Variants in PPP6R2 observed in about 807,000 individuals in gnomAD.
PPP6R2 encodes protein phosphatase 6 regulatory subunit 2.
In PPP6R2, 62 loss-of-function variants were observed where a neutral mutation model predicts 100.2. That is an observed-to-expected ratio of 0.62 (90% CI 0.50 to 0.76). PPP6R2 has a LOEUF of 0.76. Ranked by LOEUF, PPP6R2 falls within the 30% of genes least tolerant of loss-of-function variation. PPP6R2 has a pLI of 0.00. For missense variants in PPP6R2, 1,142 were observed against 1,276.3 expected (o/e 0.89, Z 1.60); for synonymous variants, 525 against 514.7 (o/e 1.02, Z -0.27).
chr22:50,334,172 C>T, the PPP6R2 span, among the ~76,000 whole-genome samples: 427 of 152,372 alleles, frequency 2.8e-3, 1 homozygote, highest in Non-Finnish European at 3.8e-3. Context: ...TGGCTGCGGG[C>T]GGGCCTGACT....
At chr22:50,378,967 G>A (rs1241811573) in intron 2 of PPP6R2, among the ~76,000 whole-genome samples, 1 of 151,966 alleles carries the variant, frequency 6.6e-6, no homozygotes, top group African/African-American at 2.4e-5. Context: ...GTGCCTTGTA[G>A]AAGGGCTTGA....
At chr22:50,331,594 T>G in the PPP6R2 span, among the ~76,000 whole-genome samples, 145 of 145,176 alleles carry the variant, frequency 1.0e-3, 1 homozygote, top group Non-Finnish European at 1.1e-3. Flanking sequence ...TAAAAAAATG[T>G]TTATGCAGCT....
chr22:50,442,267 G>C (rs752661767), intron 22 of PPP6R2, among the ~76,000 whole-genome samples: 4 of 152,198 alleles, frequency 2.6e-5, no homozygotes, highest in Non-Finnish European at 5.9e-5. Flanking sequence ...TGGTACTGGG[G>C]CTCCGGGCAT....
At chr22:50,426,253 C>CCTTT (rs1162690632) in intron 10 of PPP6R2, among the ~76,000 whole-genome samples, 4 of 152,162 alleles carry the variant, frequency 2.6e-5, no homozygotes, top group Admixed American at 6.5e-5. Flanking sequence ...AGCCACCCAG[C>CCTTT]CTTTACTCCT....
chr22:50,371,381 C>G (rs1268010414), intron 1 of PPP6R2, among the ~76,000 whole-genome samples: 1 of 151,886 alleles, frequency 6.6e-6, no homozygotes, highest in African/African-American at 2.4e-5. Context: ...GAGGTGTGAA[C>G]CAGCTGAGGT....
At chr22:50,403,124 G>A (rs1337038410) in intron 3 of PPP6R2, among the ~76,000 whole-genome samples, 3 of 152,084 alleles carry the variant, frequency 2.0e-5, no homozygotes, top group South Asian at 4.1e-4. Flanking sequence ...GAGACAGGAC[G>A]TGAACCCGGG....
chr22:50,355,251 T>G (rs963543112), intron 1 of PPP6R2, among the ~76,000 whole-genome samples: 1 of 151,254 alleles, frequency 6.6e-6, no homozygotes, highest in African/African-American at 2.4e-5. Flanking sequence ...TTTTTTTTCT[T>G]TTTTGAGACA....
chr22:50,390,059 T>C (rs1205624022), intron 2 of PPP6R2, among the ~76,000 whole-genome samples: 1 of 151,094 alleles, frequency 6.6e-6, no homozygotes, highest in African/African-American at 2.4e-5. Context: ...TGGTGTGATA[T>C]CGGCTTACTA....
chr22:50,440,737 C>T, intron 21 of PPP6R2, 85 bp from the exon 22 acceptor site: 2 of 1,469,686 alleles, frequency 1.4e-6, no homozygotes, highest in East Asian at 2.3e-5. Flanking sequence ...GAGAGGGCCA[C>T]ATGTATGGGG....
In PPP6R2 at chr22:50,432,341, T is replaced by A; in HGVS notation, c.1400+12T>A. On this transcript the variant is annotated intron_variant, in intron 12 of 23. Transcript: ENST00000612753. Reference sequence around the variant, plus strand: ...AACGACCACACGCAGTAAGAGCCGCTCGGACGTGGAGGGACCCAGCCTGGC... The same window carrying A: ...AACGACCACACGCAGTAAGAGCCGCACGGACGTGGAGGGACCCAGCCTGGC... The A allele has an allele frequency of 6.5e-7, 1 of 1,548,238 alleles. No homozygotes were observed. The highest frequency in any genetic ancestry group is 1.2e-5 in the South Asian group (1 of 83,962).
intron 2 of PPP6R2, among the ~76,000 whole-genome samples, chr22:50,388,180 A>G (rs1429502933): frequency 6.7e-6 from 1 of 150,188 alleles, no homozygotes; most frequent in East Asian, 1.9e-4. Context: ...TTTAGGATTA[A>G]AAAAAAAAAA....
chr22:50,339,374 CGT>C (rs956956938), upstream of PPP6R2, among the ~76,000 whole-genome samples: 1 of 31,496 alleles, frequency 3.2e-5, no homozygotes, highest in Admixed American at 3.9e-4. Flanking sequence ...GTGTGGCTTG[CGT>C]GTGGTATGTA....
upstream of PPP6R2, among the ~76,000 whole-genome samples, chr22:50,342,163 C>T (rs1264151722): frequency 6.6e-6 from 1 of 152,206 alleles, no homozygotes. Flanking sequence ...CTCAGCAGCA[C>T]CTCCCGCTCC....
chr22:50,338,456 TATGTA>T (rs2147821860), upstream of PPP6R2, among the ~76,000 whole-genome samples: 1 of 110,160 alleles, frequency 9.1e-6, no homozygotes, highest in South Asian at 3.6e-4. Context: ...TGGTGTGTGG[TATGTA>T]GTGTGTGTTA....
chr22:50,336,434 A>T, the PPP6R2 span, among the ~76,000 whole-genome samples: 70,163 of 151,784 alleles, frequency 0.46, 17,994 homozygotes, highest in African/African-American at 0.7. Flanking sequence ...TGGAGTGCGA[A>T]GGCGCGATCT....
At chr22:50,433,290 G>A (rs2063525867) in intron 12 of PPP6R2, among the ~76,000 whole-genome samples, 1 of 133,026 alleles carries the variant, frequency 7.5e-6, no homozygotes, top group African/African-American at 2.7e-5. Flanking sequence ...GAGGAGGGCC[G>A]GGGGCATGGA....
chr22:50,355,250 T>G (rs2046238975), intron 1 of PPP6R2, among the ~76,000 whole-genome samples: 1 of 149,674 alleles, frequency 6.7e-6, no homozygotes, highest in South Asian at 2.1e-4. Flanking sequence ...TTTTTTTTTC[T>G]TTTTTGAGAC....
chr22:50,390,343 G>T (rs898200611), intron 2 of PPP6R2, among the ~76,000 whole-genome samples: 13 of 152,112 alleles, frequency 8.5e-5, no homozygotes, highest in African/African-American at 2.4e-4. Context: ...ACAAGTAGAT[G>T]AAAGTCAAAG....
At chr22:50,424,424 G>A (rs1410360917) in intron 10 of PPP6R2, among the ~76,000 whole-genome samples, 2 of 135,422 alleles carry the variant, frequency 1.5e-5, no homozygotes, top group Admixed American at 7.5e-5. Flanking sequence ...GTCCGTCCGC[G>A]TGTGGAAGGT....
Sources: gnomAD v4.1 joint callset for allele counts (sites outside exome capture counted in the v4.1 genomes callset) on GRCh38, gnomAD v4.1.1 for gene constraint, MANE v1.5 for transcripts, NCBI Gene and HGNC (gene_info 2026-07-23, HGNC 2026-07-21) for gene names.